BTBD7: variants seen among roughly 807,000 people sequenced by gnomAD.
The protein encoded by BTBD7 is BTB/POZ domain-containing protein 7.
BTBD7 carries 38 observed loss-of-function variants against 99.9 expected under a neutral mutation model. The observed-to-expected ratio is 0.38, with a 90% CI of 0.29 to 0.50. The LOEUF (loss-of-function observed/expected upper bound fraction) is 0.50. BTBD7 is among the 20% of genes least tolerant of loss of function. The probability of loss-of-function intolerance (pLI) is 0.93; values close to 1 mark genes in which losing one functional copy is unlikely to be tolerated. For synonymous variants in BTBD7, 520 were observed against 511.4 expected (o/e 1.02, Z -0.23); for missense variants, 1,170 against 1,394.6 (o/e 0.84, Z 2.57).
intron 1 of BTBD7, among the ~76,000 whole-genome samples, chr14:93,313,678 C>CAACA (rs1566862541): frequency 1.0e-5 from 1 of 96,632 alleles, no homozygotes; most frequent in African/African-American, 4.2e-5. Context: ...TAAAATGAAA[C>CAACA]TACACACACA....
intron 1 of BTBD7, among the ~76,000 whole-genome samples, chr14:93,331,236 T>A (rs539749294): frequency 9.9e-5 from 15 of 152,132 alleles, no homozygotes; most frequent in African/African-American, 3.6e-4. Context: ...AAGAATGCAA[T>A]CAATGAAAAG....
intron 4 of BTBD7, among the ~76,000 whole-genome samples, chr14:93,262,434 T>C (rs1453535213): frequency 6.6e-6 from 1 of 151,926 alleles, no homozygotes; most frequent in Admixed American, 6.6e-5. Context: ...ACAAATGGGG[T>C]CCCACCTGTT....
At chr14:93,253,617 A>G (rs746295111) in intron 7 of BTBD7, 30 bp downstream of exon 7, 9 of 1,591,622 alleles carry the variant, frequency 5.7e-6, no homozygotes, top group Non-Finnish European at 8.6e-7. Flanking sequence ...GTAATAAAGT[A>G]GTCTACTATC....
At chr14:93,323,408 C>T (rs949153084) in intron 1 of BTBD7, among the ~76,000 whole-genome samples, 1 of 152,180 alleles carries the variant, frequency 6.6e-6, no homozygotes, top group African/African-American at 2.4e-5. Context: ...AGAACTATGA[C>T]TCTGCAATTG....
At chr14:93,322,587 G>A (rs1000609434) in intron 1 of BTBD7, among the ~76,000 whole-genome samples, 2 of 152,106 alleles carry the variant, frequency 1.3e-5, no homozygotes, top group African/African-American at 4.8e-5. Context: ...GAAATTCAAA[G>A]AGCATTTACT....
rs531562121 is a variant in BTBD7 at position 93,262,466 on chromosome 14, C to G, written c.1372-789G>C. 3.3e-5 allele frequency among the ~76,000 whole-genome samples: 5 copies of G among 152,196 alleles called. No homozygotes were observed. In the East Asian group the frequency reaches 9.6e-4, roughly 29 times the overall value. On this transcript the variant is annotated intron_variant, in intron 4 of 10. Coordinates refer to ENST00000334746, the MANE Select transcript of BTBD7 (RefSeq NM_001002860.4). The stretch of plus-strand genomic sequence containing the variant: ...TGTTGCCAAGGCTGGTCTCGTACTT[C>G]CGGGCTCAAGCAACCCACTTCCTAT...
intron 9 of BTBD7, among the ~76,000 whole-genome samples, chr14:93,247,931 A>C (rs2052330751): frequency 1.3e-5 from 2 of 152,230 alleles, no homozygotes; most frequent in African/African-American, 4.8e-5. Context: ...GAAATTTCTT[A>C]TAAGATGGAA....
chr14:93,301,254 C>T (rs1246600818), intron 1 of BTBD7, among the ~76,000 whole-genome samples: 2 of 151,570 alleles, frequency 1.3e-5, no homozygotes, highest in African/African-American at 4.8e-5. Flanking sequence ...TGCAGTAGTG[C>T]GATCTCAGCT....
rs80304821 is a variant in BTBD7 at position 93,248,166 on chromosome 14, T to C, written c.2121+310A>G. 5.6e-3 allele frequency among the ~76,000 whole-genome samples: 856 copies of C among 152,332 alleles called. 10 individuals carry two copies. Among genetic ancestry groups the C allele is most frequent in the African/African-American group, 0.02 (827 of 41,580 alleles). On this transcript the variant is annotated intron_variant, in intron 9 of 10. Coordinates refer to ENST00000334746, the MANE Select transcript of BTBD7 (RefSeq NM_001002860.4). Reference sequence around the variant, plus strand: ...TGTACAATAGCACTCTGGATCTTCATAACAATTTATATTACAGGTAAAAGA... The same window carrying C: ...TGTACAATAGCACTCTGGATCTTCACAACAATTTATATTACAGGTAAAAGA...
intron 1 of BTBD7, among the ~76,000 whole-genome samples, chr14:93,328,740 A>AC (rs1396155928): frequency 1.3e-5 from 2 of 151,672 alleles, no homozygotes; most frequent in Non-Finnish European, 2.9e-5. Context: ...ACATAGTGAG[A>AC]CCCCATCTCC....
intron 1 of BTBD7, among the ~76,000 whole-genome samples, chr14:93,325,171 T>C (rs1243076183): frequency 7.0e-6 from 1 of 143,754 alleles, no homozygotes; most frequent in South Asian, 2.2e-4. Context: ...TGAAGTGCAG[T>C]GGCGCAATCT....
intron 3 of BTBD7, among the ~76,000 whole-genome samples, chr14:93,272,636 T>C (rs548743016): frequency 6.6e-6 from 1 of 152,282 alleles, no homozygotes; most frequent in Non-Finnish European, 1.5e-5. Flanking sequence ...AAGGTTTAAG[T>C]TTTCTAAAAC....
intron 3 of BTBD7, among the ~76,000 whole-genome samples, chr14:93,283,607 A>G (rs1432007605): frequency 6.6e-6 from 1 of 152,216 alleles, no homozygotes; most frequent in Non-Finnish European, 1.5e-5. Context: ...GCTGGAGTGC[A>G]GTAGCAGGAT....
intron 3 of BTBD7, among the ~76,000 whole-genome samples, chr14:93,289,436 G>C (rs35015760): frequency 0.063 from 9,589 of 152,178 alleles, 401 homozygotes; most frequent in Middle Eastern, 0.12. Context: ...CCTGAGCCAC[G>C]CCAGAGCTCT....
chr14:93,316,761 GA>G (rs1189708701), intron 1 of BTBD7, among the ~76,000 whole-genome samples: 1 of 152,190 alleles, frequency 6.6e-6, no homozygotes, highest in East Asian at 1.9e-4. Context: ...AGCAGAGATG[GA>G]GGGACAGTTC....
chr14:93,249,160 A>G (rs754697916), intron 8 of BTBD7, among the ~76,000 whole-genome samples: 2 of 151,734 alleles, frequency 1.3e-5, no homozygotes, highest in African/African-American at 2.4e-5. Context: ...TATGCAAAGG[A>G]CACTGAGGGA....
chr14:93,319,545 T>C (rs1345054079), intron 1 of BTBD7, among the ~76,000 whole-genome samples: 5 of 152,310 alleles, frequency 3.3e-5, no homozygotes, highest in Admixed American at 6.5e-5. Flanking sequence ...ATTCCACTTA[T>C]ATGAGGTCTT....
chr14:93,270,009 T>C (rs563965702), intron 3 of BTBD7, among the ~76,000 whole-genome samples: 107 of 152,346 alleles, frequency 7.0e-4, no homozygotes, highest in African/African-American at 2.5e-3. Flanking sequence ...ATGTTCATTG[T>C]GTTATACCAC....
At position 93,300,739 on chromosome 14, in the gene BTBD7, TG is replaced by T. The variant is rs2052988457; in HGVS notation, c.-106-4583del. ...GTGTGTGTGTGTGTGTGTGTGTGTG[TG>T]TGTGTGTGTGTGTGTGTGTGTGTGT... On this transcript the variant is annotated intron_variant, in intron 1 of 10. Coordinates refer to ENST00000334746, the MANE Select transcript of BTBD7 (RefSeq NM_001002860.4). 6.9e-5 allele frequency among the ~76,000 whole-genome samples: 6 copies of T among 87,314 alleles called. 1 individual carries two copies. In the East Asian group the frequency reaches 1.9e-3, roughly 28 times the overall value. 57.3% of individuals were successfully genotyped at this position (87,314 alleles called of 152,430 possible). A position where few individuals can be genotyped will look rare whatever the true frequency, so the allele number is the denominator to read the frequency against.
Sources: gnomAD v4.1 joint callset for allele counts (sites outside exome capture counted in the v4.1 genomes callset) on GRCh38, gnomAD v4.1.1 for gene constraint, MANE v1.5 for transcripts, NCBI Gene and HGNC (gene_info 2026-07-23, HGNC 2026-07-21) for gene names.